The following NBAS variants were observed in gnomAD, a reference collection of about 807,000 sequenced individuals.
NBAS encodes NBAS subunit of NRZ tethering complex.
Under a neutral mutation model 302.5 loss-of-function variants are expected in NBAS, and 219 were observed. The observed-to-expected ratio is 0.72, with a 90% CI of 0.65 to 0.81. The LOEUF is 0.81. Ranked by LOEUF, NBAS falls within the 30% of genes least tolerant of loss-of-function variation. The pLI is 0.00. For missense variants in NBAS, 2,932 were observed against 2,841.6 expected (o/e 1.03, Z -0.72); for synonymous variants, 1,118 against 1,021.6 (o/e 1.09, Z -1.80).
intron 12 of NBAS, among the ~76,000 whole-genome samples, chr2:15,487,207 T>G (rs1680666596): frequency 6.6e-6 from 1 of 152,186 alleles, no homozygotes; most frequent in Non-Finnish European, 1.5e-5. Flanking sequence ...CAGGCTCCTC[T>G]CAAACGAAAA....
At chr2:15,478,593 A>T (rs1189277823) in intron 12 of NBAS, among the ~76,000 whole-genome samples, 1 of 152,190 alleles carries the variant, frequency 6.6e-6, no homozygotes, top group Non-Finnish European at 1.5e-5. Flanking sequence ...CATCCTATAC[A>T]CATGCACACA....
At position 15,191,447 on chromosome 2, in the gene NBAS, C is replaced by T. The variant is rs13384447; in HGVS notation, c.6433-1044G>A. Among the ~76,000 whole-genome samples the T allele has an allele frequency of 7.3e-3, 1,112 of 152,316 alleles. 15 individuals carry two copies. The highest frequency in any genetic ancestry group is 0.026 in the African/African-American group (1,069 of 41,570). On this transcript the variant is annotated intron_variant, in intron 48 of 51. Transcript: ENST00000281513. ...GAAGCCTTGTTCACACAGTGACCCA[C>T]CAGATCCTTCAAAACCTGCCTTAAA...
At chr2:14,843,815 A>G in the NBAS span, among the ~76,000 whole-genome samples, 1 of 152,198 alleles carries the variant, frequency 6.6e-6, no homozygotes, top group Non-Finnish European at 1.5e-5. Flanking sequence ...GCCCTATCAC[A>G]GCGGAAAGCA....
At chr2:15,352,612 T>C (rs952164607) in intron 34 of NBAS, among the ~76,000 whole-genome samples, 4 of 152,060 alleles carry the variant, frequency 2.6e-5, no homozygotes, top group Non-Finnish European at 5.9e-5. Context: ...TTGGGGTGGG[T>C]TGTGCACACG....
chr2:15,553,650 A>C (rs1327426945), intron 4 of NBAS, among the ~76,000 whole-genome samples, 177 bp from the exon 5 acceptor site: 1 of 152,176 alleles, frequency 6.6e-6, no homozygotes, highest in South Asian at 2.1e-4. Flanking sequence ...AGCACACAAA[A>C]TGATTTAATA....
rs1669606960 is a variant in NBAS, at chr2:15,276,894, T to G, written c.5346A>C (p.Glu1782Asp). 6.2e-7 allele frequency: 1 copy of G among 1,613,890 alleles called. No individual in the cohort carries two copies. Among genetic ancestry groups the G allele is most frequent in the Non-Finnish European group, 8.5e-7 (1 of 1,179,964 alleles). ...ADLGNCAIKPETHIRLLKKFK... is the reference protein window; with the variant it reads ...ADLGNCAIKPDTHIRLLKKFK... ...ACTTCTTCAGCAGTCGAATGTGGGT[T>G]TCTGGTTTAATGGCACAGTTCCCCA... Residue 1782 changes from glutamate (E) to aspartate (D), a missense_variant, in exon 43 of 52, where the codon GAA becomes GAC. Physicochemically the swap from Glu to Asp is conservative, Grantham distance 45 (BLOSUM62 2). Coordinates refer to ENST00000281513, the MANE Select transcript of NBAS (RefSeq NM_015909.4).
intron 44 of NBAS, among the ~76,000 whole-genome samples, chr2:15,249,592 A>G (rs1668267804): frequency 6.6e-6 from 1 of 152,250 alleles, no homozygotes; most frequent in Non-Finnish European, 1.5e-5. Flanking sequence ...AATCTCCTTA[A>G]GCTGATAAAC....
At chr2:14,918,089 G>A in the NBAS span, among the ~76,000 whole-genome samples, 66 of 152,132 alleles carry the variant, frequency 4.3e-4, 1 homozygote, top group Non-Finnish European at 1.0e-4. Flanking sequence ...GAATAAAGGA[G>A]TAGGAAGTGT....
At chr2:15,455,052 G>C (rs1679189212) in intron 21 of NBAS, among the ~76,000 whole-genome samples, 1 of 152,028 alleles carries the variant, frequency 6.6e-6, no homozygotes, top group South Asian at 2.1e-4. Context: ...ACAGGTGTGT[G>C]CCACCATGCC....
At chr2:15,337,981 T>C (rs1477833468) in intron 35 of NBAS, among the ~76,000 whole-genome samples, 1 of 152,188 alleles carries the variant, frequency 6.6e-6, no homozygotes, top group East Asian at 1.9e-4. Flanking sequence ...GTTCCCAGCA[T>C]AAAATTTAAC....
chr2:14,907,293 G>A, the NBAS span, among the ~76,000 whole-genome samples: 5 of 152,134 alleles, frequency 3.3e-5, no homozygotes, highest in African/African-American at 4.8e-5. Flanking sequence ...TCCTCTGTTC[G>A]GAAGATGGGA....
chr2:15,017,436 G>C, the NBAS span, among the ~76,000 whole-genome samples: 3 of 151,610 alleles, frequency 2.0e-5, no homozygotes, highest in Non-Finnish European at 4.4e-5. Context: ...TTAATATCCA[G>C]AATATACATG....
At chr2:15,190,113 A>C in intron 49 of NBAS, 151 bp downstream of exon 49, 2 of 882,148 alleles carry the variant, frequency 2.3e-6, no homozygotes, top group South Asian at 1.9e-5. Flanking sequence ...GCAATATTTC[A>C]AAAACAATTT....
At chr2:15,432,862 C>T (rs774227347) in intron 21 of NBAS, among the ~76,000 whole-genome samples, 8 of 152,040 alleles carry the variant, frequency 5.3e-5, no homozygotes, top group South Asian at 2.1e-4. Context: ...AAAAGCTGTC[C>T]GAAGGCATTA....
At chr2:14,982,437 G>A in the NBAS span, among the ~76,000 whole-genome samples, 1 of 152,176 alleles carries the variant, frequency 6.6e-6, no homozygotes, top group African/African-American at 2.4e-5. Flanking sequence ...TATGGCAAGG[G>A]AGTAAATTAA....
the NBAS span, among the ~76,000 whole-genome samples, chr2:15,147,592 C>CA: frequency 6.6e-6 from 1 of 151,620 alleles, no homozygotes; most frequent in Non-Finnish European, 1.5e-5. Flanking sequence ...AACTCCGTCT[C>CA]AAAAAAATAA....
intron 30 of NBAS, among the ~76,000 whole-genome samples, chr2:15,379,188 C>T (rs1234787678): frequency 1.0e-5 from 1 of 99,342 alleles, no homozygotes; most frequent in African/African-American, 3.3e-5. Context: ...GGTCCCTTGT[C>T]TCTCTCTCTT....
intron 48 of NBAS, among the ~76,000 whole-genome samples, chr2:15,214,122 T>C (rs1666546201): frequency 6.6e-6 from 1 of 152,222 alleles, no homozygotes; most frequent in South Asian, 2.1e-4. Flanking sequence ...TCATCATTAA[T>C]GGCAAGAACA....
At chr2:15,540,600 A>C (rs1663763121) in intron 6 of NBAS, among the ~76,000 whole-genome samples, 1 of 152,122 alleles carries the variant, frequency 6.6e-6, no homozygotes, top group Admixed American at 6.6e-5. Context: ...GGCCCTTCCC[A>C]AAAGGCCCCA....
Sources: allele counts gnomAD v4.1 joint callset (sites outside exome capture counted in the v4.1 genomes callset), GRCh38; gene constraint gnomAD v4.1.1; transcripts MANE v1.5; gene names NCBI Gene and HGNC (gene_info 2026-07-23, HGNC 2026-07-21).